PPARGC1A: variants seen among roughly 807,000 people sequenced by gnomAD.
The protein encoded by PPARGC1A is PPARG coactivator 1 alpha, also known as peroxisome proliferator-activated receptor gamma coactivator 1-alpha.
In PPARGC1A, 25 loss-of-function variants were observed where a neutral mutation model predicts 88.7. The observed-to-expected ratio is 0.28, with a 90% CI of 0.21 to 0.39. PPARGC1A has a LOEUF of 0.39. PPARGC1A is among the 10% of genes least tolerant of loss of function. The pLI, the probability that PPARGC1A is intolerant of heterozygous loss-of-function variation, is 1.00. For synonymous variants in PPARGC1A, 363 were observed against 355.6 expected, an observed-to-expected ratio of 1.02 and a Z score of -0.24; for missense variants, 880 against 968.7, an observed-to-expected ratio of 0.91 and a Z score of 1.22.
chr4:24,251,852 C>A, the PPARGC1A span, among the ~76,000 whole-genome samples: 3 of 152,170 alleles, frequency 2.0e-5, no homozygotes, highest in Non-Finnish European at 2.9e-5. Context: ...AGTGTCCAAC[C>A]AGACAGGAGC....
chr4:24,039,071 C>T, the PPARGC1A span, among the ~76,000 whole-genome samples: 5 of 152,188 alleles, frequency 3.3e-5, no homozygotes, highest in Non-Finnish European at 7.3e-5. Flanking sequence ...CTCAACTTCA[C>T]TTGTCCAAAT....
the PPARGC1A span, among the ~76,000 whole-genome samples, chr4:24,323,807 C>T: frequency 3.9e-5 from 6 of 152,328 alleles, no homozygotes; most frequent in East Asian, 1.9e-4. Context: ...GATCCACCTA[C>T]GACCTCAGGT....
At chr4:24,196,250 T>C in the PPARGC1A span, among the ~76,000 whole-genome samples, 2 of 152,072 alleles carry the variant, frequency 1.3e-5, no homozygotes, top group Non-Finnish European at 2.9e-5. Context: ...AAGGGAGAGC[T>C]AGGGAGGAAA....
At chr4:24,439,715 T>C in the PPARGC1A span, among the ~76,000 whole-genome samples, 1 of 152,230 alleles carries the variant, frequency 6.6e-6, no homozygotes, top group East Asian at 1.9e-4. Context: ...GGTAGCTCTG[T>C]AGAGACTTCT....
the PPARGC1A span, among the ~76,000 whole-genome samples, chr4:23,909,936 G>C: frequency 6.6e-6 from 1 of 150,700 alleles, no homozygotes; most frequent in South Asian, 2.1e-4. Flanking sequence ...AAGGTAGTGG[G>C]AGCCAAGATT....
the PPARGC1A span, among the ~76,000 whole-genome samples, chr4:24,412,352 C>T: frequency 6.6e-6 from 1 of 151,948 alleles, no homozygotes; most frequent in Non-Finnish European, 1.5e-5. Flanking sequence ...TGTTCCACAA[C>T]CCATGAACTA....
intron 12 of PPARGC1A, among the ~76,000 whole-genome samples, chr4:23,800,293 C>T (rs1206439922): frequency 6.6e-6 from 1 of 152,034 alleles, no homozygotes; most frequent in Non-Finnish European, 1.5e-5. Flanking sequence ...AGACACTTAT[C>T]ACTTTCCTTC....
the PPARGC1A span, among the ~76,000 whole-genome samples, chr4:24,328,261 C>A: frequency 2.5e-5 from 3 of 119,668 alleles, no homozygotes; most frequent in East Asian, 5.5e-4. Flanking sequence ...GCCCCCCCCC[C>A]AATCAGCATT....
chr4:24,447,611 C>T, the PPARGC1A span, among the ~76,000 whole-genome samples: 4 of 152,180 alleles, frequency 2.6e-5, no homozygotes, highest in Non-Finnish European at 5.9e-5. Context: ...TCTGAATCCT[C>T]GTCATGCATC....
the PPARGC1A span, among the ~76,000 whole-genome samples, chr4:24,139,719 AC>A: frequency 6.6e-6 from 1 of 152,100 alleles, no homozygotes; most frequent in Non-Finnish European, 1.5e-5. Flanking sequence ...GTATGAGGGT[AC>A]ACTTACTTCC....
the PPARGC1A span, among the ~76,000 whole-genome samples, chr4:24,068,002 TTGTGTGTG>T: frequency 2.0e-5 from 3 of 151,232 alleles, no homozygotes; most frequent in African/African-American, 7.3e-5. Flanking sequence ...ATGTGTGTGC[TTGTGTGTG>T]TGTGTGTGCA....
the PPARGC1A span, among the ~76,000 whole-genome samples, chr4:23,953,253 G>T: frequency 6.6e-6 from 1 of 152,012 alleles, no homozygotes; most frequent in African/African-American, 2.4e-5. Context: ...AGACATGTTT[G>T]GTCAACTAAG....
At chr4:24,229,359 G>A in the PPARGC1A span, among the ~76,000 whole-genome samples, 1 of 149,704 alleles carries the variant, frequency 6.7e-6, no homozygotes, top group Non-Finnish European at 1.5e-5. Context: ...ATGTTGGCCA[G>A]GCTGGTCTCG....
At chr4:24,075,660 G>C in the PPARGC1A span, among the ~76,000 whole-genome samples, 1 of 152,166 alleles carries the variant, frequency 6.6e-6, no homozygotes, top group East Asian at 1.9e-4. Context: ...ATGATAGTAA[G>C]TCTCATGAGA....
intron 2 of PPARGC1A, among the ~76,000 whole-genome samples, chr4:23,856,063 G>A: frequency 6.6e-6 from 1 of 152,108 alleles, no homozygotes; most frequent in Non-Finnish European, 1.5e-5. Context: ...CTCCCACCAT[G>A]GACAAAAAGT....
chr4:24,077,098 T>A, the PPARGC1A span, among the ~76,000 whole-genome samples: 1 of 152,098 alleles, frequency 6.6e-6, no homozygotes. Flanking sequence ...TCAGTTCCAC[T>A]TTTTTCCTCC....
At chr4:24,193,843 A>G in the PPARGC1A span, among the ~76,000 whole-genome samples, 17 of 152,062 alleles carry the variant, frequency 1.1e-4, no homozygotes, top group African/African-American at 3.6e-4. Context: ...GAGTACACCA[A>G]TGGGGCCAGG....
At chr4:24,430,807 A>C in the PPARGC1A span, among the ~76,000 whole-genome samples, 2 of 152,152 alleles carry the variant, frequency 1.3e-5, no homozygotes, top group Non-Finnish European at 2.9e-5. Flanking sequence ...AGTCTGAAGT[A>C]AGGCACAGAC....
At chr4:23,944,529 G>C in the PPARGC1A span, among the ~76,000 whole-genome samples, 1 of 152,178 alleles carries the variant, frequency 6.6e-6, no homozygotes, top group African/African-American at 2.4e-5. Flanking sequence ...ATGTTCCCAA[G>C]TGAAAACAAA....
Sources: allele counts gnomAD v4.1 joint callset (sites outside exome capture counted in the v4.1 genomes callset), GRCh38; gene constraint gnomAD v4.1.1; transcripts MANE v1.5; gene names NCBI Gene and HGNC (gene_info 2026-07-23, HGNC 2026-07-21).